Variants in ZNF638 observed in about 807,000 individuals in gnomAD.
ZNF638 encodes zinc finger protein 638.
A neutral mutation model predicts 195.6 loss-of-function variants in ZNF638; 46 were observed. The observed-to-expected ratio is 0.24, with a 90% CI of 0.19 to 0.30. The LOEUF (loss-of-function observed/expected upper bound fraction) is 0.30, where lower values mean the gene tolerates loss of function less well. ZNF638 is among the 10% of genes least tolerant of loss of function. ZNF638 has a pLI of 1.00. For missense variants in ZNF638, 2,440 were observed against 2,325.3 expected, an observed-to-expected ratio of 1.05 and a Z score of -1.01; for synonymous variants, 845 against 772.0, an observed-to-expected ratio of 1.09 and a Z score of -1.57.
rs1558847172 is a variant in ZNF638 at position 71,368,415 on chromosome 2, G to T, written c.2029G>T (p.Val677Phe). The change falls in exon 7 of 28, where the codon GTT becomes TTT. Residue 677 changes from valine to phenylalanine, a missense_variant. Transcript: ENST00000264447. Reference sequence around the variant, plus strand: ...AGAACAGTCATTGCATTATGGTTCGGTTCTTCTTATAACTGAATTACCAGA... The same window carrying T: ...AGAACAGTCATTGCATTATGGTTCGTTTCTTCTTATAACTGAATTACCAGA... ...RKEQSLHYGS[V>F]LLITELPEDG... The T allele has an allele frequency of 1.2e-6, 2 of 1,613,078 alleles. No individual in the cohort carries two copies. Among genetic ancestry groups the T allele is most frequent in the Non-Finnish European group, 8.5e-7 (1 of 1,179,650 alleles).
intron 23 of ZNF638, 48 bp from the exon 24 acceptor site, chr2:71,426,412 A>G (rs754087756): frequency 1.8e-5 from 24 of 1,345,786 alleles, no homozygotes; most frequent in Non-Finnish European, 2.1e-5. Context: ...GAATCTAGCC[A>G]GTGGTCAAAA....
intron 10 of ZNF638, among the ~76,000 whole-genome samples, chr2:71,383,899 G>T (rs1378972854): frequency 6.6e-6 from 1 of 150,442 alleles, no homozygotes; most frequent in Admixed American, 6.6e-5. Flanking sequence ...ACCATGCCTG[G>T]CCCTCTTCCT....
chr2:71,403,008 T>TA (rs1260823029), intron 16 of ZNF638, among the ~76,000 whole-genome samples: 2 of 152,138 alleles, frequency 1.3e-5, no homozygotes, highest in Non-Finnish European at 2.9e-5. Context: ...GTAAATACAC[T>TA]AAAACCCATT....
rs540972670 is a variant in ZNF638 at position 71,401,152 on chromosome 2, T to C, written c.2697+634T>C. Among the ~76,000 whole-genome samples, 6 of 152,288 alleles carry C rather than the reference T, an allele frequency of 3.9e-5. No homozygotes were observed. In the South Asian group the frequency reaches 1.2e-3, roughly 32 times the overall value. Reference sequence around the variant, plus strand: ...AGTATTTTATAGCACCAATTTAGTGTAAAGTCACACTAAACTGGTTTATGA... The same window carrying C: ...AGTATTTTATAGCACCAATTTAGTGCAAAGTCACACTAAACTGGTTTATGA... On this transcript the variant is annotated intron_variant, in intron 15 of 27. Coordinates refer to ENST00000264447, the MANE Select transcript of ZNF638 (RefSeq NM_014497.5).
At chr2:71,371,287 C>T (rs920727957) in intron 8 of ZNF638, among the ~76,000 whole-genome samples, 58 of 152,074 alleles carry the variant, frequency 3.8e-4, no homozygotes, top group Non-Finnish European at 1.2e-4. Context: ...CTAATGTGAA[C>T]AGTGCTGCAA....
chr2:71,395,387 G>C (rs2079872294), intron 10 of ZNF638: 2 of 688,944 alleles, frequency 2.9e-6, no homozygotes, highest in Middle Eastern at 2.4e-4. Flanking sequence ...GGTGGGAAAA[G>C]TTATAAGGAG....
At chr2:71,369,241 T>C (rs1262825602) in intron 7 of ZNF638, among the ~76,000 whole-genome samples, 2 of 150,978 alleles carry the variant, frequency 1.3e-5, no homozygotes, top group African/African-American at 2.4e-5. Context: ...GAGAATCTCT[T>C]GAACCCGGGA....
intron 8 of ZNF638, chr2:71,379,525 T>A (rs117950787): frequency 1.3e-5 from 2 of 152,296 alleles, no homozygotes; most frequent in East Asian, 3.9e-4. Context: ...CTCATTTTAC[T>A]TAATAATGGC....
chr2:71,403,147 CAT>C (rs1436082638), intron 16 of ZNF638, among the ~76,000 whole-genome samples: 1 of 151,916 alleles, frequency 6.6e-6, no homozygotes, highest in African/African-American at 2.4e-5. Flanking sequence ...TTAAAATTAA[CAT>C]AAAATGAAAA....
chr2:71,385,703 G>GT (rs1196681820), intron 10 of ZNF638, among the ~76,000 whole-genome samples: 3 of 152,190 alleles, frequency 2.0e-5, no homozygotes, highest in Non-Finnish European at 2.9e-5. Context: ...CTGTGATACT[G>GT]TACTACAGTT....
At position 71,400,015 on chromosome 2, in the gene ZNF638, A is replaced by G. The variant is rs536389511; in HGVS notation, c.2588-97A>G. ...GCTTATGTCAGGTCAGCCTAAGGAG[A>G]CTTGAAATGTCAAACTAGCTTAAGT... is the stretch of plus-strand genomic sequence containing the variant. On this transcript the variant is annotated intron_variant, in intron 13 of 27. Coordinates refer to ENST00000264447, the MANE Select transcript of ZNF638 (RefSeq NM_014497.5). The G allele has an allele frequency of 1.0e-5, 10 of 975,310 alleles. No homozygotes were observed. The South Asian group carries it at 2.0e-4, about 20-fold the overall frequency. The allele number at this position is 975,310 out of a possible 1,614,324, so 60.4% of individuals were successfully genotyped here.
intron 15 of ZNF638, among the ~76,000 whole-genome samples, chr2:71,401,144 A>G (rs1435186028): frequency 6.6e-6 from 1 of 152,140 alleles, no homozygotes; most frequent in Non-Finnish European, 1.5e-5. Context: ...TATAGCACCA[A>G]TTTAGTGTAA....
chr2:71,423,381 T>G lies in ZNF638; in HGVS notation c.3867T>G (p.Thr1289=), dbSNP rs2080471456. The change falls in exon 22 of 28, where the codon ACT becomes ACG. Residue 1289 remains threonine (T), a synonymous_variant. Transcript: ENST00000264447. ...TGACGTTAGTACCAGGAATTCCCACTGGGGATGAGAAGACAGTGGACAAAA... is the reference window on the plus strand; with the variant it reads ...TGACGTTAGTACCAGGAATTCCCACGGGGGATGAGAAGACAGTGGACAAAA... ...CIVTLVPGIP[T]GDEKTVDKKN... 1 of 1,613,316 alleles carries G rather than the reference T, an allele frequency of 6.2e-7. No individual in the cohort carries two copies. Among genetic ancestry groups the G allele is most frequent in the African/African-American group, 1.3e-5 (1 of 74,648 alleles).
intron 1 of ZNF638, among the ~76,000 whole-genome samples, chr2:71,347,272 A>C (rs1333574472): frequency 6.6e-6 from 1 of 152,218 alleles, no homozygotes; most frequent in East Asian, 1.9e-4. Context: ...TAAAGCTAAG[A>C]AATGAAGGGA....
At chr2:71,402,729 A>G (rs2080031506) in intron 16 of ZNF638, among the ~76,000 whole-genome samples, 1 of 152,178 alleles carries the variant, frequency 6.6e-6, no homozygotes, top group Admixed American at 6.5e-5. Flanking sequence ...TTAATAATCA[A>G]CTTGTAGAAA....
chr2:71,404,202 C>T (rs573826553), intron 17 of ZNF638, among the ~76,000 whole-genome samples: 38 of 152,280 alleles, frequency 2.5e-4, no homozygotes, highest in African/African-American at 9.1e-4. Context: ...TCCTATTCTT[C>T]ATGTATGTTG....
rs547385639 is a variant in ZNF638 at position 71,370,378 on chromosome 2, C to T, written c.2265+373C>T. ...GTAAACACTAACTTGATTTCTAATG[C>T]CATAGTTGAGTTTTGCCTGTTTTCA... is the stretch of plus-strand genomic sequence containing the variant. On this transcript the variant is annotated intron_variant, in intron 8 of 27. Transcript: ENST00000264447. Among the ~76,000 whole-genome samples the T allele has an allele frequency of 2.0e-5, 3 of 152,116 alleles. No individual in the cohort carries two copies. The South Asian group carries it at 6.2e-4, about 31-fold the overall frequency.
intron 20 of ZNF638, among the ~76,000 whole-genome samples, chr2:71,412,687 C>G (rs1381668247): frequency 1.2e-5 from 1 of 83,716 alleles, no homozygotes; most frequent in Non-Finnish European, 2.3e-5. Flanking sequence ...TTTCAGCTTT[C>G]TACATATGGC....
At chr2:71,333,386 GTT>G (rs1165502285) in intron 1 of ZNF638, among the ~76,000 whole-genome samples, 1 of 152,006 alleles carries the variant, frequency 6.6e-6, no homozygotes, top group East Asian at 1.9e-4. Context: ...AATCTTATTC[GTT>G]TTTATTAACT....
Sources: gnomAD v4.1 joint callset for allele counts (sites outside exome capture counted in the v4.1 genomes callset) on GRCh38, gnomAD v4.1.1 for gene constraint, MANE v1.5 for transcripts, NCBI Gene and HGNC (gene_info 2026-07-23, HGNC 2026-07-21) for gene names.